Variants in ZNF98 observed in about 807,000 individuals in gnomAD.
ZNF98 encodes zinc finger protein 98, also known as zinc finger protein 739.
Under a neutral mutation model 12.8 loss-of-function variants are expected in ZNF98, and 8 were observed. The observed-to-expected ratio is 0.63, with a 90% CI of 0.37 to 1.13. ZNF98 has a LOEUF of 1.13. Ranked by LOEUF, ZNF98 falls within the 50% of genes most tolerant of loss-of-function variation. The pLI is 0.01. For missense variants in ZNF98, 379 were observed against 666.1 expected, an observed-to-expected ratio of 0.57 and a Z score of 4.74; for synonymous variants, 112 against 223.5, an observed-to-expected ratio of 0.50 and a Z score of 4.45.
chr19:22,392,723 CTGTT>C lies in ZNF98; in HGVS notation c.508_511del (p.Asn170AspfsTer4), dbSNP rs765367459. On this transcript the variant is annotated frameshift_variant, in exon 4 of 4. Coordinates refer to ENST00000357774, the MANE Select transcript of ZNF98 (RefSeq NM_001098626.2). LOFTEE classifies it low-confidence loss of function (END_TRUNC). ...CTTTCCAGTATGTCCTATCTTATGT[CTGTT>C]TGAATTTGAAAATTTATGAAAGACT... 1.2e-5 allele frequency: 19 copies of C among 1,605,366 alleles called. No individual in the cohort carries two copies. Among genetic ancestry groups the C allele is most frequent in the Non-Finnish European group, 1.4e-5 (17 of 1,175,670 alleles).
At chr19:22,393,660 C>T (rs928222499) in intron 3 of ZNF98, among the ~76,000 whole-genome samples, 2 of 152,040 alleles carry the variant, frequency 1.3e-5, no homozygotes, top group African/African-American at 4.8e-5. Flanking sequence ...GGATCCCTTC[C>T]TTACACCTTA....
In ZNF98 at chr19:22,412,135, T is replaced by C. The variant is rs891419884; in HGVS notation, c.31-8623A>G. Among the ~76,000 whole-genome samples the C allele has an allele frequency of 5.9e-5, 9 of 152,214 alleles. 1 individual carries two copies. On this transcript the variant is annotated intron_variant, in intron 1 of 3. Transcript: ENST00000357774. ...ACATAGTATACAGTCTTCTCATCAT[T>C]ACGTGGCACATACTCTAAAATTGAC...
At chr19:22,402,163 A>G (rs1424182477) in intron 3 of ZNF98, among the ~76,000 whole-genome samples, 2 of 140,006 alleles carry the variant, frequency 1.4e-5, no homozygotes, top group African/African-American at 5.5e-5. Context: ...GTGACAGAGC[A>G]AGACTCCATC....
chr19:22,421,849 G>A (rs1477567866), intron 1 of ZNF98, among the ~76,000 whole-genome samples: 1 of 152,104 alleles, frequency 6.6e-6, no homozygotes, highest in African/African-American at 2.4e-5. Context: ...TTCCATTCAT[G>A]AACCCTCACC....
Position 22,403,493 on chromosome 19 carries a change from T to C in ZNF98, c.50A>G (p.Asp17Gly). ...CTCCAGAGAGAATTCTAAGGCCACA[T>C]CCCTAAATGTCAACACTCCCTGAAA... ...SLEMGVLTFRDVALEFSLEEW... is the reference protein window; with the variant it reads ...SLEMGVLTFRGVALEFSLEEW... The change falls in exon 2 of 4, where the codon GAT (aspartate) becomes GGT (glycine). Residue 17 changes from aspartate to glycine, a missense_variant. Asp to Gly is a moderately conservative substitution (Grantham distance 94, BLOSUM62 -1). Around this residue, in one of 8 missense-constraint regions of ZNF98, gnomAD observed 223 missense variants for 261.6 expected, o/e 0.85. Transcript: ENST00000357774. 1.2e-6 allele frequency: 2 copies of C among 1,602,614 alleles called. No homozygotes were observed. The highest frequency in any genetic ancestry group is 1.7e-4 in the Middle Eastern group (1 of 6,006).
intron 3 of ZNF98, among the ~76,000 whole-genome samples, chr19:22,397,122 A>AC (rs1969402905): frequency 1.7e-5 from 1 of 57,924 alleles, no homozygotes; most frequent in African/African-American, 3.4e-5. Flanking sequence ...CTGTCTCAAA[A>AC]AAAAACAACA....
intron 3 of ZNF98, among the ~76,000 whole-genome samples, chr19:22,400,162 AG>A (rs1969440415): frequency 6.6e-6 from 1 of 151,836 alleles, no homozygotes; most frequent in Non-Finnish European, 1.5e-5. Context: ...AGTCTGGGAG[AG>A]GTCTTGCCCT....
At chr19:22,398,640 C>A (rs1185927982) in intron 3 of ZNF98, among the ~76,000 whole-genome samples, 2 of 152,112 alleles carry the variant, frequency 1.3e-5, no homozygotes, top group African/African-American at 4.8e-5. Flanking sequence ...CAGACGTGAA[C>A]CACCACGACT....
Position 22,392,833 on chromosome 19 carries a change from C to A in ZNF98, c.402G>T (p.Val134=), listed in dbSNP as rs963239176. Residue 134 remains valine (V), a synonymous_variant, in exon 4 of 4, where the codon GTG becomes GTT. Coordinates refer to ENST00000357774, the MANE Select transcript of ZNF98 (RefSeq NM_001098626.2). ...TAAGTCCATTGTAACATTCTTTGTG[C>A]ACCTTACACTCATCCATGCTTTTAC... ...KYCKSMDECK[V]HKECYNGLNQ... 1 of 1,611,512 alleles carries A rather than the reference C, an allele frequency of 6.2e-7. No homozygotes were observed.
At chr19:22,407,835 C>T (rs1483903549) in intron 1 of ZNF98, among the ~76,000 whole-genome samples, 2 of 152,038 alleles carry the variant, frequency 1.3e-5, no homozygotes, top group East Asian at 1.9e-4. Flanking sequence ...TTTGGGAGGC[C>T]GAGGCGGGCA....
Position 22,403,502 on chromosome 19 carries a change from G to A in ZNF98, c.41C>T (p.Thr14Ile). ...PLGSLEMGVL[T>I]FRDVALEFSL... ...GAATTCTAAGGCCACATCCCTAAAT[G>A]TCAACACTCCCTGAAAAACATACAA... Residue 14 changes from threonine to isoleucine, a missense_variant, in exon 2 of 4, where the codon ACA becomes ATA. This residue lies in a region of ZNF98 where 223 missense variants were observed against 261.6 expected (regional missense o/e 0.85). Coordinates refer to ENST00000357774, the MANE Select transcript of ZNF98 (RefSeq NM_001098626.2). 1 of 1,598,968 alleles carries A rather than the reference G, an allele frequency of 6.3e-7. No individual in the cohort carries two copies. The highest frequency in any genetic ancestry group is 8.5e-7 in the Non-Finnish European group (1 of 1,176,110).
At chr19:22,422,138 C>T in intron 1 of ZNF98, 57 bp downstream of exon 1, 1 of 1,609,596 alleles carries the variant, frequency 6.2e-7, no homozygotes, top group Non-Finnish European at 8.5e-7. Context: ...AGCCTCTTCC[C>T]ACCGGTTCCA....
chr19:22,403,871 G>C lies in ZNF98; in HGVS notation c.31-359C>G, dbSNP rs139397771. On this transcript the variant is annotated intron_variant, in intron 1 of 3. Transcript: ENST00000357774. Reference sequence around the variant, plus strand: ...AAGACATATTCAGTTAGAAAATACTGCTCACATGTTAATGTGTAAAATAAA... The same window carrying C: ...AAGACATATTCAGTTAGAAAATACTCCTCACATGTTAATGTGTAAAATAAA... 6.9e-3 allele frequency among the ~76,000 whole-genome samples: 1,049 copies of C among 152,330 alleles called. 8 individuals carry two copies. The highest frequency in any genetic ancestry group is 0.024 in the African/African-American group (1,007 of 41,588).
intron 1 of ZNF98, among the ~76,000 whole-genome samples, chr19:22,419,325 C>A (rs903319655): frequency 6.6e-6 from 1 of 152,142 alleles, no homozygotes; most frequent in African/African-American, 2.4e-5. Context: ...TTAACTGCAT[C>A]TCTCTGTGGG....
At chr19:22,407,141 C>T (rs888943897) in intron 1 of ZNF98, among the ~76,000 whole-genome samples, 1 of 151,840 alleles carries the variant, frequency 6.6e-6, no homozygotes, top group African/African-American at 2.4e-5. Context: ...ACTGCAACCT[C>T]CGCCTCCTGG....
chr19:22,418,878 CA>C (rs1335683041), intron 1 of ZNF98, among the ~76,000 whole-genome samples: 1 of 151,542 alleles, frequency 6.6e-6, no homozygotes, highest in Non-Finnish European at 1.5e-5. Flanking sequence ...GACTCTGCCT[CA>C]AAAAAAAGCT....
chr19:22,409,944 A>C (rs1969563663), intron 1 of ZNF98, among the ~76,000 whole-genome samples: 1 of 151,328 alleles, frequency 6.6e-6, no homozygotes, highest in Admixed American at 6.6e-5. Context: ...AAAAGTGGGC[A>C]AAAGATGAAC....
chr19:22,419,869 G>A (rs770036120), intron 1 of ZNF98, among the ~76,000 whole-genome samples: 1 of 152,060 alleles, frequency 6.6e-6, no homozygotes, highest in African/African-American at 2.4e-5. Flanking sequence ...AGTGATATTA[G>A]ATGTGTAGGC....
intron 1 of ZNF98, among the ~76,000 whole-genome samples, chr19:22,415,298 G>C (rs1476311400): frequency 6.6e-6 from 1 of 152,130 alleles, no homozygotes; most frequent in Non-Finnish European, 1.5e-5. Context: ...GCAGTGTGAC[G>C]ATTCCTCACA....
Sources: allele counts gnomAD v4.1 joint callset (sites outside exome capture counted in the v4.1 genomes callset), GRCh38; gene constraint gnomAD v4.1.1; regional missense constraint gnomAD v4.1.1; transcripts MANE v1.5; gene names NCBI Gene and HGNC (gene_info 2026-07-23, HGNC 2026-07-21).